The following R3HDM1 variants were observed in gnomAD, a reference collection of about 807,000 sequenced individuals.
R3HDM1 encodes the protein R3H domain-containing protein 1.
R3HDM1 carries 46 observed loss-of-function variants against 141.1 expected under a neutral mutation model. The ratio of observed to expected loss-of-function variants is 0.33; its 90% confidence interval spans 0.26 to 0.42. The LOEUF (loss-of-function observed/expected upper bound fraction) is 0.42. Among genes scored for constraint, R3HDM1 ranks in the 10% least tolerant of loss-of-function variants. The pLI is 1.00. For missense variants in R3HDM1, 1,184 were observed against 1,368.3 expected (o/e 0.87, Z 2.12); for synonymous variants, 435 against 472.9 (o/e 0.92, Z 1.04).
chr2:135,704,527 G>A (rs1372335523), intron 21 of R3HDM1, among the ~76,000 whole-genome samples: 7 of 149,242 alleles, frequency 4.7e-5, no homozygotes, highest in African/African-American at 1.2e-4. Context: ...CCAGACTGCA[G>A]TGGTGCCATC....
chr2:135,577,044 GA>G (rs1158925019), intron 1 of R3HDM1: 9,560 of 639,052 alleles, frequency 0.015, 35 homozygotes, highest in African/African-American at 0.052. Flanking sequence ...TGTTACAAAA[GA>G]AAAAAAAAAA....
chr2:135,591,403 A>G (rs1709242946), intron 1 of R3HDM1, among the ~76,000 whole-genome samples: 3 of 152,198 alleles, frequency 2.0e-5, no homozygotes, highest in African/African-American at 7.2e-5. Flanking sequence ...ATACCACATC[A>G]AAGTCTAGCT....
At chr2:135,712,370 C>G (rs2075744082) in intron 23 of R3HDM1, among the ~76,000 whole-genome samples, 1 of 151,568 alleles carries the variant, frequency 6.6e-6, no homozygotes, top group African/African-American at 2.4e-5. Context: ...CTCAAGCCAT[C>G]CTCCCACCTC....
intron 21 of R3HDM1, among the ~76,000 whole-genome samples, chr2:135,708,344 G>A (rs1010031342): frequency 1.3e-5 from 2 of 151,970 alleles, no homozygotes; most frequent in African/African-American, 4.8e-5. Flanking sequence ...CCATATTCTG[G>A]ATTTTACCGA....
intron 1 of R3HDM1, among the ~76,000 whole-genome samples, chr2:135,565,349 T>TATC (rs1372014394): frequency 1.4e-5 from 2 of 147,654 alleles, no homozygotes; most frequent in African/African-American, 2.5e-5. Flanking sequence ...TTATTATTAT[T>TATC]ATTATTATTA....
At chr2:135,654,257 A>G (rs2065495347) in intron 18 of R3HDM1, among the ~76,000 whole-genome samples, 1 of 151,844 alleles carries the variant, frequency 6.6e-6, no homozygotes, top group African/African-American at 2.4e-5. Flanking sequence ...CATTCATTTA[A>G]CATAATATTT....
rs149581453 is a variant in R3HDM1, at chr2:135,624,323, A to C, written c.497+1591A>C. On this transcript the variant is annotated intron_variant, in intron 7 of 26. Transcript: ENST00000683871. Reference sequence around the variant, plus strand: ...GGCAGGGGAATGGTGTAAACCCGGGAGGCAGAGCTTGCAGTGAGTAGAGAT... The same window carrying C: ...GGCAGGGGAATGGTGTAAACCCGGGCGGCAGAGCTTGCAGTGAGTAGAGAT... 3.1e-3 allele frequency among the ~76,000 whole-genome samples: 451 copies of C among 147,794 alleles called. 2 individuals are homozygous for C. The highest frequency in any genetic ancestry group is 0.011 in the African/African-American group (427 of 40,114).
intron 18 of R3HDM1, among the ~76,000 whole-genome samples, chr2:135,652,904 TA>T (rs2065307996): frequency 1.3e-5 from 2 of 152,204 alleles, no homozygotes; most frequent in South Asian, 4.1e-4. Context: ...TTTGTTGTCA[TA>T]AAATTGTTCT....
chr2:135,695,460 GA>G (rs943961428), intron 21 of R3HDM1, among the ~76,000 whole-genome samples: 4 of 151,650 alleles, frequency 2.6e-5, no homozygotes, highest in Middle Eastern at 3.2e-3. Flanking sequence ...AGAGAAAAGG[GA>G]AAAAAAATAT....
chr2:135,702,324 G>T (rs1204019193), intron 21 of R3HDM1, among the ~76,000 whole-genome samples: 1 of 151,048 alleles, frequency 6.6e-6, no homozygotes, highest in Non-Finnish European at 1.5e-5. Flanking sequence ...GGAGTTTTGA[G>T]ACCAGCCTGG....
At chr2:135,538,064 C>A (rs1336581219) in intron 1 of R3HDM1, among the ~76,000 whole-genome samples, 5 of 152,138 alleles carry the variant, frequency 3.3e-5, no homozygotes, top group Non-Finnish European at 4.4e-5. Flanking sequence ...GTTGTGCCAA[C>A]ATCATGGAGT....
At chr2:135,693,047 G>T (rs1275429613) in intron 21 of R3HDM1, among the ~76,000 whole-genome samples, 1 of 151,978 alleles carries the variant, frequency 6.6e-6, no homozygotes, top group East Asian at 1.9e-4. Context: ...AATATTTGAG[G>T]CTTTGTAAGC....
In R3HDM1 at chr2:135,722,701, G is replaced by C. The variant is rs2076810364; in HGVS notation, c.3049+148G>C. 4.1e-6 allele frequency: 3 copies of C among 729,854 alleles called. No individual in the cohort carries two copies. In the East Asian group the frequency reaches 8.2e-5, roughly 20 times the overall value. The allele number at this position is 729,854 out of a possible 1,614,324, so 45.2% of individuals were successfully genotyped here. A position where few individuals can be genotyped will look rare whatever the true frequency, so the allele number is the denominator to read the frequency against. ...TCTCTGATTTAGGGTTCTTGGATAT[G>C]TTCCTATGACCTTGTGTCATTTGAG... is the stretch of plus-strand genomic sequence containing the variant. On this transcript the variant is annotated intron_variant, in intron 26 of 26. Transcript: ENST00000683871.
At chr2:135,610,756 C>G (rs2060463369) in intron 3 of R3HDM1, among the ~76,000 whole-genome samples, 1 of 152,086 alleles carries the variant, frequency 6.6e-6, no homozygotes, top group African/African-American at 2.4e-5. Flanking sequence ...GAATAAAAGT[C>G]TCTTTATATA....
chr2:135,622,425 T>C, intron 6 of R3HDM1: 1 of 984,624 alleles, frequency 1.0e-6, no homozygotes, highest in Non-Finnish European at 1.2e-6. Context: ...TTAATTTTTT[T>C]TTAAGAATGT....
intron 7 of R3HDM1, chr2:135,623,108 C>G: frequency 3.3e-6 from 3 of 910,200 alleles, no homozygotes; most frequent in Non-Finnish European, 3.9e-6. Context: ...TTTTTAAATG[C>G]AAAGTTTTTG....
chr2:135,653,359 A>G (rs1438215040), intron 18 of R3HDM1, among the ~76,000 whole-genome samples: 1 of 152,212 alleles, frequency 6.6e-6, no homozygotes, highest in African/African-American at 2.4e-5. Flanking sequence ...CCATCTCAAA[A>G]AAGAACAAAG....
At chr2:135,586,671 A>T in intron 1 of R3HDM1, 1 of 985,070 alleles carries the variant, frequency 1.0e-6, no homozygotes, top group Non-Finnish European at 1.2e-6. Context: ...TTTTGCAAAA[A>T]TATATTTGTT....
chr2:135,648,576 T>A (rs1023818306), intron 16 of R3HDM1, among the ~76,000 whole-genome samples: 10 of 152,194 alleles, frequency 6.6e-5, no homozygotes, highest in African/African-American at 2.4e-4. Flanking sequence ...CTCATCTACT[T>A]GCTTATGTGG....
Sources: gnomAD v4.1 joint callset for allele counts (sites outside exome capture counted in the v4.1 genomes callset) on GRCh38, gnomAD v4.1.1 for gene constraint, MANE v1.5 for transcripts, NCBI Gene and HGNC (gene_info 2026-07-23, HGNC 2026-07-21) for gene names.